Variants in NTM observed in about 807,000 individuals in gnomAD.
The protein encoded by NTM is neurotrimin.
A neutral mutation model predicts 42.1 loss-of-function variants in NTM; 13 were observed. The ratio of observed to expected loss-of-function variants is 0.31; its 90% CI spans 0.20 to 0.49. NTM has a LOEUF of 0.49. NTM is among the 20% of genes least tolerant of loss of function. The pLI is 0.99. For missense variants in NTM, 373 were observed against 452.8 expected, an observed-to-expected ratio of 0.82 and a Z score of 1.60; for synonymous variants, 187 against 179.2, an observed-to-expected ratio of 1.04 and a Z score of -0.35.
At chr11:132,118,513 G>T (rs1435846544) in intron 2 of NTM, among the ~76,000 whole-genome samples, 1 of 152,152 alleles carries the variant, frequency 6.6e-6, no homozygotes, top group Non-Finnish European at 1.5e-5. Flanking sequence ...CACATAAATG[G>T]CAGAGAGAAG....
intron 1 of NTM, among the ~76,000 whole-genome samples, chr11:131,454,392 TTC>T (rs1448057979): frequency 2.0e-5 from 3 of 152,178 alleles, no homozygotes; most frequent in African/African-American, 7.2e-5. Flanking sequence ...GTATTCCCTT[TTC>T]TCTCTTAAAA....
At chr11:132,267,996 T>C (rs2093293529) in intron 4 of NTM, among the ~76,000 whole-genome samples, 1 of 152,152 alleles carries the variant, frequency 6.6e-6, no homozygotes, top group African/African-American at 2.4e-5. Flanking sequence ...ACAAGAACAC[T>C]GCCTTTCATG....
At chr11:131,820,146 TC>T (rs1302567086) in intron 1 of NTM, among the ~76,000 whole-genome samples, 1 of 152,222 alleles carries the variant, frequency 6.6e-6, no homozygotes, top group East Asian at 1.9e-4. Context: ...GCAAAGTGGG[TC>T]CTTTCAACCA....
At position 131,589,167 on chromosome 11, in the gene NTM, A is replaced by ATGTGTGTGTGTGTGTGTGTGTGTG. The variant is rs58237274; in HGVS notation, c.82+218291_82+218314dup. 1.5e-3 allele frequency among the ~76,000 whole-genome samples: 210 copies of ATGTGTGTGTGTGTGTGTGTGTGTG among 143,584 alleles called. 2 individuals are homozygous for ATGTGTGTGTGTGTGTGTGTGTGTG. The highest frequency in any genetic ancestry group is 4.9e-3 in the African/African-American group (188 of 38,266). The allele number at this position is 143,584 out of a possible 152,430, so 94.2% of individuals were successfully genotyped here. On this transcript the variant is annotated intron_variant, in intron 1 of 8. Coordinates refer to ENST00000683400, the MANE Select transcript of NTM (RefSeq NM_001352005.2). ...ACCATGCCACTCTTAACCTGGAAAA[A>ATGTGTGTGTGTGTGTGTGTGTGTG]TGTGTGTGTGTGTGTGTGTGTGTGT... is the stretch of plus-strand genomic sequence containing the variant.
chr11:131,483,493 G>T (rs1953834232), intron 1 of NTM, among the ~76,000 whole-genome samples: 1 of 152,202 alleles, frequency 6.6e-6, no homozygotes, highest in African/African-American at 2.4e-5. Context: ...GTAGGAGTCT[G>T]AATTTTTATA....
chr11:131,992,422 A>G (rs1315522666), intron 2 of NTM, among the ~76,000 whole-genome samples: 1 of 151,720 alleles, frequency 6.6e-6, no homozygotes, highest in African/African-American at 2.4e-5. Flanking sequence ...TTTCAACTGC[A>G]TGGGGGTCCA....
chr11:132,205,354 T>C (rs2081831790), intron 3 of NTM, among the ~76,000 whole-genome samples: 1 of 152,228 alleles, frequency 6.6e-6, no homozygotes, highest in Non-Finnish European at 1.5e-5. Context: ...AAATTGCTAT[T>C]TATTAATGAC....
At chr11:132,308,215 A>G (rs2095162648) in intron 5 of NTM, among the ~76,000 whole-genome samples, 1 of 152,234 alleles carries the variant, frequency 6.6e-6, no homozygotes, top group South Asian at 2.1e-4. Flanking sequence ...ATAATGGGAC[A>G]AGAAACCATG....
At chr11:132,327,057 G>A (rs1479965030) in intron 7 of NTM, among the ~76,000 whole-genome samples, 1 of 152,168 alleles carries the variant, frequency 6.6e-6, no homozygotes, top group Non-Finnish European at 1.5e-5. Context: ...GTATTTTACT[G>A]CTTCCCTTCT....
chr11:132,008,526 G>T (rs1195435214), intron 2 of NTM, among the ~76,000 whole-genome samples: 2 of 151,798 alleles, frequency 1.3e-5, no homozygotes, highest in Non-Finnish European at 2.9e-5. Context: ...ATAGATATTT[G>T]TGGAAAGAAT....
intron 3 of NTM, among the ~76,000 whole-genome samples, chr11:132,165,695 T>C (rs1232023865): frequency 6.6e-6 from 1 of 152,166 alleles, no homozygotes; most frequent in Non-Finnish European, 1.5e-5. Context: ...TGAACCCTTA[T>C]CTACTATTGG....
intron 1 of NTM, among the ~76,000 whole-genome samples, chr11:131,883,743 C>T (rs371234496): frequency 3.3e-5 from 5 of 152,228 alleles, no homozygotes; most frequent in African/African-American, 9.6e-5. Context: ...CAAAACCAGG[C>T]GTGGTTTCCC....
At chr11:131,818,064 C>A (rs922181873) in intron 1 of NTM, among the ~76,000 whole-genome samples, 1 of 152,196 alleles carries the variant, frequency 6.6e-6, no homozygotes, top group Non-Finnish European at 1.5e-5. Flanking sequence ...ACATCAGCGG[C>A]TTTTGGCACC....
chr11:131,466,061 C>T (rs1408799308), intron 1 of NTM, among the ~76,000 whole-genome samples: 1 of 152,198 alleles, frequency 6.6e-6, no homozygotes, highest in Non-Finnish European at 1.5e-5. Flanking sequence ...TGCCCAAAGC[C>T]ATCAGCCTTC....
intron 3 of NTM, among the ~76,000 whole-genome samples, chr11:132,188,654 C>T (rs561645181): frequency 1.2e-4 from 19 of 152,038 alleles, no homozygotes; most frequent in African/African-American, 4.4e-4. Context: ...TCATGATATG[C>T]TGTATGTGCA....
intron 2 of NTM, among the ~76,000 whole-genome samples, chr11:131,926,456 C>G (rs984484858): frequency 4.6e-5 from 7 of 151,910 alleles, no homozygotes; most frequent in Non-Finnish European, 5.9e-5. Context: ...GTGGGGAGAG[C>G]CATGCAGGGA....
intron 2 of NTM, among the ~76,000 whole-genome samples, chr11:132,132,068 A>T (rs568578864): frequency 6.6e-6 from 1 of 152,140 alleles, no homozygotes; most frequent in African/African-American, 2.4e-5. Context: ...TGGTTGAAGG[A>T]AATTACTTTG....
intron 1 of NTM, among the ~76,000 whole-genome samples, chr11:131,651,362 G>A (rs2066452816): frequency 6.6e-6 from 1 of 152,182 alleles, no homozygotes; most frequent in Admixed American, 6.5e-5. Flanking sequence ...AACATTTATG[G>A]AGAATTAGCT....
chr11:131,449,910 T>C (rs539162336), intron 1 of NTM, among the ~76,000 whole-genome samples: 1 of 152,294 alleles, frequency 6.6e-6, no homozygotes, highest in East Asian at 1.9e-4. Flanking sequence ...ACCTACTCAC[T>C]CCACTTGTTC....
Sources: allele counts gnomAD v4.1 joint callset (sites outside exome capture counted in the v4.1 genomes callset), GRCh38; gene constraint gnomAD v4.1.1; transcripts MANE v1.5; gene names NCBI Gene and HGNC (gene_info 2026-07-23, HGNC 2026-07-21).